Variants in MILR1 observed in about 807,000 individuals in gnomAD.
The protein encoded by MILR1 is allergin-1.
A neutral mutation model predicts 18.5 loss-of-function variants in MILR1; 31 were observed. The observed-to-expected ratio is 1.68, with a 90% confidence interval of 1.26 to 2.26. The LOEUF (loss-of-function observed/expected upper bound fraction) is 2.26. Among genes scored for constraint, MILR1 ranks in the 30% most tolerant of loss-of-function variants. The pLI is 0.00. For missense variants in MILR1, 257 were observed against 157.4 expected (o/e 1.63, Z -3.38); for synonymous variants, 85 against 56.2 (o/e 1.51, Z -2.30).
chr17:64,492,926 C>G, the MILR1 span: 20 of 1,614,028 alleles, frequency 1.2e-5, no homozygotes, highest in Non-Finnish European at 1.7e-5. Flanking sequence ...TGCTTAGTGT[C>G]AAAAACAGGA....
At chr17:64,475,796 T>G in the MILR1 span, among the ~76,000 whole-genome samples, 1 of 145,444 alleles carries the variant, frequency 6.9e-6, no homozygotes, top group Non-Finnish European at 1.5e-5. Context: ...AAACAGACAC[T>G]ACTACCACTT....
intron 2 of MILR1, among the ~76,000 whole-genome samples, chr17:64,450,341 C>A (rs1397237634): frequency 6.6e-6 from 1 of 152,154 alleles, no homozygotes; most frequent in African/African-American, 2.4e-5. Context: ...ATATGGTAAA[C>A]CATCCGTAAG....
At chr17:64,473,367 G>A (rs80306718), downstream of MILR1, among the ~76,000 whole-genome samples, 438 of 89,398 alleles carry the variant, frequency 4.9e-3, 16 homozygotes, top group African/African-American at 0.052. Flanking sequence ...AAAAAAAAAA[G>A]AAGAAGTTAT....
chr17:64,494,598 G>A, the MILR1 span, among the ~76,000 whole-genome samples: 1 of 151,748 alleles, frequency 6.6e-6, no homozygotes, highest in African/African-American at 2.4e-5. Flanking sequence ...CCGACCTCTA[G>A]GGTCAATTAT....
At chr17:64,458,495 GA>G (rs1453572958) in intron 4 of MILR1, among the ~76,000 whole-genome samples, 3 of 151,922 alleles carry the variant, frequency 2.0e-5, no homozygotes. Flanking sequence ...TAACAGCTGT[GA>G]GCCACTGTGC....
downstream of MILR1, chr17:64,468,705 T>G: frequency 2.1e-6 from 2 of 930,954 alleles, no homozygotes; most frequent in Non-Finnish European, 1.3e-6. Context: ...ATCTCCATGA[T>G]CTTTTCCACT....
the MILR1 span, chr17:64,480,241 C>A: frequency 7.5e-5 from 56 of 746,588 alleles, no homozygotes; most frequent in African/African-American, 3.4e-4. Context: ...TAAACATAAT[C>A]AAAAACTCTT....
the MILR1 span, among the ~76,000 whole-genome samples, chr17:64,476,026 C>CA: frequency 6.6e-6 from 1 of 151,880 alleles, no homozygotes; most frequent in Admixed American, 6.6e-5. Flanking sequence ...AGGCTGGTCT[C>CA]AAACTCCTGA....
chr17:64,462,701 T>C (rs886289813), intron 5 of MILR1, among the ~76,000 whole-genome samples: 4 of 151,068 alleles, frequency 2.6e-5, no homozygotes, highest in African/African-American at 7.3e-5. Flanking sequence ...AGTGCAGTGG[T>C]GCAATCTCGG....
At chr17:64,472,421 G>T (rs1178643155), downstream of MILR1, among the ~76,000 whole-genome samples, 1 of 124,864 alleles carries the variant, frequency 8.0e-6, no homozygotes. Context: ...AGCCAAGATC[G>T]CGCCACTGCA....
At chr17:64,488,615 A>C in the MILR1 span, among the ~76,000 whole-genome samples, 1 of 152,360 alleles carries the variant, frequency 6.6e-6, no homozygotes, top group East Asian at 1.9e-4. Flanking sequence ...CCTAGTCACA[A>C]GGTTGAGCTG....
downstream of MILR1, among the ~76,000 whole-genome samples, chr17:64,472,858 T>G (rs1446643464): frequency 6.6e-6 from 1 of 152,164 alleles, no homozygotes; most frequent in African/African-American, 2.4e-5. Context: ...TGTATGAAGT[T>G]TCATAATATT....
intron 4 of MILR1, 41 bp downstream of exon 4, chr17:64,457,725 C>A: frequency 2.1e-6 from 1 of 469,064 alleles, no homozygotes; most frequent in Non-Finnish European, 3.9e-6. Context: ...TCTGAACTCA[C>A]TTCCAGAAAC....
At chr17:64,451,736 G>A (rs57000341) in intron 2 of MILR1, among the ~76,000 whole-genome samples, 30 of 151,458 alleles carry the variant, frequency 2.0e-4, no homozygotes, top group African/African-American at 6.5e-4. Context: ...AGTTCAAGAC[G>A]AGCCTGGACA....
chr17:64,467,905 AG>A (rs2144091683), intron 9 of MILR1: 1 of 289,630 alleles, frequency 3.5e-6, no homozygotes, highest in South Asian at 3.1e-5. Context: ...ACTGCACTAC[AG>A]CCTGGGCGAC....
chr17:64,496,510 T>C, the MILR1 span: 7 of 1,613,208 alleles, frequency 4.3e-6, no homozygotes, highest in African/African-American at 9.3e-5. Context: ...AGATTTCGCG[T>C]AGAGTTTCTG....
downstream of MILR1, among the ~76,000 whole-genome samples, chr17:64,472,285 G>A (rs782363032): frequency 4.0e-5 from 6 of 151,604 alleles, no homozygotes; most frequent in South Asian, 6.2e-4. Flanking sequence ...TGTCCAACAC[G>A]GTGAAACCCC....
At chr17:64,451,633 CTTAAAG>C (rs1446153371) in intron 2 of MILR1, among the ~76,000 whole-genome samples, 1 of 151,942 alleles carries the variant, frequency 6.6e-6, no homozygotes, top group Non-Finnish European at 1.5e-5. Flanking sequence ...TAGGTCTTGT[CTTAAAG>C]TTGAGTTTAT....
chr17:64,480,973 T>C, the MILR1 span, among the ~76,000 whole-genome samples: 2 of 152,094 alleles, frequency 1.3e-5, no homozygotes, highest in African/African-American at 4.8e-5. Flanking sequence ...ACAGTAAACT[T>C]AACTGTTTTC....
Sources: gnomAD v4.1 joint callset for allele counts (sites outside exome capture counted in the v4.1 genomes callset) on GRCh38, gnomAD v4.1.1 for gene constraint, MANE v1.5 for transcripts, NCBI Gene and HGNC (gene_info 2026-07-23, HGNC 2026-07-21) for gene names.